ZFYVE1: variants seen among roughly 807,000 people sequenced by gnomAD.
ZFYVE1 encodes zinc finger FYVE domain-containing protein 1.
Under a neutral mutation model 74.4 loss-of-function variants are expected in ZFYVE1, and 30 were observed. The ratio of observed to expected loss-of-function variants is 0.40; its 90% CI spans 0.30 to 0.55. The LOEUF is 0.55. ZFYVE1 is among the 20% of genes least tolerant of loss of function. The pLI is 0.42. For missense variants in ZFYVE1, 703 were observed against 1,011.6 expected (o/e 0.69, Z 4.14); for synonymous variants, 335 against 385.1 (o/e 0.87, Z 1.52).
chr14:73,005,312 G>C (rs1218381658), intron 2 of ZFYVE1, among the ~76,000 whole-genome samples: 3 of 152,138 alleles, frequency 2.0e-5, no homozygotes, highest in African/African-American at 7.2e-5. Context: ...CGAAGCTCCA[G>C]CTCTACTTGT....
Position 72,975,808 on chromosome 14 carries a change from A to C in ZFYVE1, c.1636-87T>G, listed in dbSNP as rs982400985. 6.7e-7 allele frequency: 1 copy of C among 1,497,136 alleles called. No individual in the cohort carries two copies. Among genetic ancestry groups the C allele is most frequent in the African/African-American group, 1.4e-5 (1 of 72,250 alleles). 92.7% of individuals were successfully genotyped at this position (1,497,136 alleles called of 1,614,324 possible). On this transcript the variant is annotated intron_variant, in intron 8 of 11. Transcript: ENST00000556143. This position sits in a 1 kb window ranked among gnomAD's most constrained non-coding sequence, Gnocchi z 4.1. The stretch of plus-strand genomic sequence containing the variant: ...GGGATGTTTGGTGAGTTGCACACTC[A>C]CCGTGGCCAACTCAGAACCACTAAC...
chr14:73,024,684 T>C lies in ZFYVE1; in HGVS notation c.-176A>G. On this transcript the variant is annotated 5_prime_UTR_variant, in exon 2 of 12. Transcript: ENST00000556143. ...TTCTTCACAAACAAATGTTCAAATT[T>C]TTAATTTGCTGCCTCTAAGACTCTT... is the stretch of plus-strand genomic sequence containing the variant. 1.1e-6 allele frequency: 1 copy of C among 949,550 alleles called. No homozygotes were observed. Among genetic ancestry groups the C allele is most frequent in the Non-Finnish European group, 1.5e-6 (1 of 676,174 alleles). 58.8% of individuals were successfully genotyped at this position (949,550 alleles called of 1,614,324 possible). A position where few individuals can be genotyped will look rare whatever the true frequency, so the allele number is the denominator to read the frequency against.
At chr14:72,989,417 T>A (rs979998688) in intron 4 of ZFYVE1, among the ~76,000 whole-genome samples, 16 of 152,102 alleles carry the variant, frequency 1.1e-4, no homozygotes, top group Non-Finnish European at 2.2e-4. Flanking sequence ...TAGACACTTA[T>A]GTGAGAAAGT....
rs1892984262 is a variant in ZFYVE1 at position 72,969,835 on chromosome 14, A to C, written c.*1047T>G. ...TAAATTTTTTCTTTACGATCTGTTGAAATATTTATATAGACTTTTAAAAAC... is the reference window on the plus strand; with the variant it reads ...TAAATTTTTTCTTTACGATCTGTTGCAATATTTATATAGACTTTTAAAAAC... On this transcript the variant is annotated 3_prime_UTR_variant, in exon 12 of 12. Coordinates refer to ENST00000556143, the MANE Select transcript of ZFYVE1 (RefSeq NM_021260.4). 1.5e-6 allele frequency: 1 copy of C among 672,710 alleles called. No homozygotes were observed. The highest frequency in any genetic ancestry group is 2.7e-6 in the Non-Finnish European group (1 of 375,052). 41.7% of individuals were successfully genotyped at this position (672,710 alleles called of 1,614,324 possible).
chr14:72,975,456 G>A lies in ZFYVE1; in HGVS notation c.1806+95C>T. ...CTCACTGCACTGGCAGAAAATGTTT[G>A]CGTCTCCCTCACAGAACAAGCTTAG... On this transcript the variant is annotated intron_variant, in intron 9 of 11. Coordinates refer to ENST00000556143, the MANE Select transcript of ZFYVE1 (RefSeq NM_021260.4). The surrounding 1 kb of genome is among the most constrained non-coding windows in gnomAD (Gnocchi z 4.1). 1 of 1,461,776 alleles carries A rather than the reference G, an allele frequency of 6.8e-7. No individual in the cohort carries two copies. Among genetic ancestry groups the A allele is most frequent in the Non-Finnish European group, 9.2e-7 (1 of 1,092,348 alleles). 90.6% of individuals were successfully genotyped at this position (1,461,776 alleles called of 1,614,324 possible).
rs775238023 is a variant in ZFYVE1 at position 73,024,330 on chromosome 14, C to T, written c.179G>A (p.Arg60Gln). 9 of 1,614,090 alleles carry T rather than the reference C, an allele frequency of 5.6e-6. No homozygotes were observed. Among genetic ancestry groups the T allele is most frequent in the Middle Eastern group, 1.6e-4 (1 of 6,062 alleles). ...HRQERLRNHE[R>Q]IRLKPGHVPY... Reference sequence around the variant, plus strand: ...GACATGGCCAGGTTTGAGTCTTATCCGCTCATGGTTTCTCAGGCGCTCCTG... The same window carrying T: ...GACATGGCCAGGTTTGAGTCTTATCTGCTCATGGTTTCTCAGGCGCTCCTG... The change falls in exon 2 of 12, where the codon CGG (arginine) becomes CAG (glutamine). Residue 60 changes from arginine (R) to glutamine (Q), a missense_variant. By Grantham distance (43) the Arg-to-Gln change is conservative. Coordinates refer to ENST00000556143, the MANE Select transcript of ZFYVE1 (RefSeq NM_021260.4).
intron 2 of ZFYVE1, 21 bp from the exon 3 acceptor site, chr14:72,998,336 ACC>A: frequency 1.4e-6 from 2 of 1,408,618 alleles, no homozygotes; most frequent in Non-Finnish European, 1.9e-6. Flanking sequence ...AAAAAAAAAG[ACC>A]ATGAAATACA....
At chr14:72,997,699 G>T in intron 3 of ZFYVE1, 112 bp downstream of exon 3, 2 of 1,374,846 alleles carry the variant, frequency 1.5e-6, no homozygotes, top group East Asian at 2.3e-5. Flanking sequence ...TGTCTTCTTT[G>T]GACAGAAATC....
rs1032144525 is a variant in ZFYVE1 at position 72,970,258 on chromosome 14, T to C, written c.*624A>G. ...CCGGTGACCTGCACGCTAAGTTGGGTGGTCTCTGACTAAAACAGGCTTAAG... is the reference window on the plus strand; with the variant it reads ...CCGGTGACCTGCACGCTAAGTTGGGCGGTCTCTGACTAAAACAGGCTTAAG... On this transcript the variant is annotated 3_prime_UTR_variant, in exon 12 of 12. Transcript: ENST00000556143. The C allele has an allele frequency of 1.2e-5, 2 of 165,318 alleles. No individual in the cohort carries two copies. Among genetic ancestry groups the C allele is most frequent in the Admixed American group, 1.1e-4 (2 of 18,096 alleles). 10.2% of individuals were successfully genotyped at this position (165,318 alleles called of 1,614,324 possible). A position where few individuals can be genotyped will look rare whatever the true frequency, so the allele number is the denominator to read the frequency against.
chr14:72,983,589 T>G (rs1290081875), intron 4 of ZFYVE1, among the ~76,000 whole-genome samples: 1 of 152,104 alleles, frequency 6.6e-6, no homozygotes, highest in East Asian at 1.9e-4. Flanking sequence ...ATTTTCTTAA[T>G]CCAGTCTATC....
In ZFYVE1 at chr14:72,997,812, A is replaced by G; in HGVS notation, c.987T>C (p.Ser329=). The G allele has an allele frequency of 1.3e-6, 2 of 1,583,562 alleles. No individual in the cohort carries two copies. The highest frequency in any genetic ancestry group is 1.7e-6 in the Non-Finnish European group (2 of 1,158,854). Residue 329 remains serine (S), a splice_region_variant and synonymous_variant, in exon 3 of 12, where the codon TCT becomes TCC. Coordinates refer to ENST00000556143, the MANE Select transcript of ZFYVE1 (RefSeq NM_021260.4). ...HETVHTQLLG[S]DHPSEVPEKL... ...GTGACACTGTACCCCATCTCTCACCAGAGCCCAGTAGCTGGGTGTGCACGG... is the reference window on the plus strand; with the variant it reads ...GTGACACTGTACCCCATCTCTCACCGGAGCCCAGTAGCTGGGTGTGCACGG...
At chr14:73,013,934 T>A (rs2140383131) in intron 2 of ZFYVE1, among the ~76,000 whole-genome samples, 1 of 152,174 alleles carries the variant, frequency 6.6e-6, no homozygotes, top group South Asian at 2.1e-4. Flanking sequence ...GCCTATATAA[T>A]CTCCTGGATA....
At position 72,997,937 on chromosome 14, in the gene ZFYVE1, G is replaced by A. The variant is rs144642506; in HGVS notation, c.862C>T (p.Leu288=). The A allele has an allele frequency of 1.4e-5, 23 of 1,614,074 alleles. No individual in the cohort carries two copies. In the African/African-American group the frequency reaches 2.1e-4, roughly 15 times the overall value. The change falls in exon 3 of 12, where the codon CTG becomes TTG. Residue 288 remains leucine (L), a synonymous_variant. Transcript: ENST00000556143. Reference sequence around the variant, plus strand: ...TTGAGCTCCTTGGTGAAGTGCTTCAGATAAGCTTCTGAGGCATCCCCAAGG... The same window carrying A: ...TTGAGCTCCTTGGTGAAGTGCTTCAAATAAGCTTCTGAGGCATCCCCAAGG... ...KFLGDASEAY[L]KHFTKELKAT...
intron 2 of ZFYVE1, among the ~76,000 whole-genome samples, chr14:73,002,351 C>T (rs1893890276): frequency 6.6e-6 from 1 of 152,188 alleles, no homozygotes; most frequent in Non-Finnish European, 1.5e-5. Flanking sequence ...AAGGACTGTA[C>T]AACTTTATGA....
intron 3 of ZFYVE1, among the ~76,000 whole-genome samples, chr14:72,993,988 C>T (rs1253907390): frequency 2.1e-5 from 3 of 143,742 alleles, no homozygotes; most frequent in Non-Finnish European, 3.0e-5. Flanking sequence ...GCACTCCAGC[C>T]TGGCGACAGA....
intron 3 of ZFYVE1, among the ~76,000 whole-genome samples, chr14:72,997,428 G>A (rs1893773743): frequency 6.6e-6 from 1 of 151,764 alleles, no homozygotes; most frequent in South Asian, 2.1e-4. Context: ...TAACTCTTGG[G>A]CTCAAGGGAT....
chr14:72,980,654 G>A (rs548159418), intron 5 of ZFYVE1, among the ~76,000 whole-genome samples: 2 of 152,080 alleles, frequency 1.3e-5, no homozygotes, highest in East Asian at 1.9e-4. Flanking sequence ...TGCGGGCTCC[G>A]CCTCCCGGGT....
intron 2 of ZFYVE1, among the ~76,000 whole-genome samples, chr14:73,003,155 A>G (rs574131218): frequency 2.2e-5 from 3 of 138,634 alleles, no homozygotes; most frequent in African/African-American, 8.2e-5. Context: ...TCTGGATTCA[A>G]GCCATTCTCC....
intron 1 of ZFYVE1, among the ~76,000 whole-genome samples, chr14:73,026,066 G>A (rs1044547571): frequency 2.5e-4 from 38 of 149,646 alleles, no homozygotes; most frequent in Non-Finnish European, 4.9e-4. Context: ...AGAAACAATA[G>A]TAACAATTTC....
Sources: gnomAD v4.1 joint callset for allele counts (sites outside exome capture counted in the v4.1 genomes callset) on GRCh38, gnomAD v4.1.1 for gene constraint, Gnocchi (gnomAD v3.1) non-coding constraint, MANE v1.5 for transcripts, NCBI Gene and HGNC (gene_info 2026-07-23, HGNC 2026-07-21) for gene names.